The following WNK2 variants were observed in gnomAD, a reference collection of about 807,000 sequenced individuals.
WNK2 encodes WNK lysine deficient protein kinase 2.
In WNK2, 67 loss-of-function variants were observed where a neutral mutation model predicts 192.1. The observed-to-expected ratio is 0.35, with a 90% CI of 0.29 to 0.43. The LOEUF (loss-of-function observed/expected upper bound fraction) is 0.43. Among genes scored for constraint, WNK2 ranks in the 20% least tolerant of loss-of-function variants. The probability of loss-of-function intolerance (pLI) is 1.00; values close to 1 mark genes in which losing one functional copy is unlikely to be tolerated. For missense variants in WNK2, 2,698 were observed against 3,089.7 expected, an observed-to-expected ratio of 0.87 and a Z score of 3.01; for synonymous variants, 1,439 against 1,393.9, an observed-to-expected ratio of 1.03 and a Z score of -0.72.
In WNK2 at chr9:93,249,907, A is replaced by ATTTTTTTTTTT. The variant is rs58293954; in HGVS notation, c.1834+2089_1834+2099dup. ...TCCCTAGAGGCAACAGATGCTACCA[A>ATTTTTTTTTTT]TTTTTTTTTTTTTTTTTTTTTTTTT... On this transcript the variant is annotated intron_variant, in intron 8 of 29. Coordinates refer to ENST00000427277, the MANE Select transcript of WNK2 (RefSeq NM_006648.4). 4.7e-5 allele frequency among the ~76,000 whole-genome samples: 4 copies of ATTTTTTTTTTT among 85,444 alleles called. 1 individual carries two copies. The highest frequency in any genetic ancestry group is 3.7e-4 in the East Asian group (1 of 2,668). 56.1% of individuals were successfully genotyped at this position (85,444 alleles called of 152,430 possible).
At chr9:93,214,003 C>T (rs1182822330) in intron 2 of WNK2, among the ~76,000 whole-genome samples, 3 of 152,176 alleles carry the variant, frequency 2.0e-5, no homozygotes, top group Non-Finnish European at 4.4e-5. Flanking sequence ...TTTTATATCC[C>T]ATATGACATT....
intron 2 of WNK2, among the ~76,000 whole-genome samples, chr9:93,207,467 C>T (rs188743761): frequency 3.9e-4 from 60 of 152,326 alleles, no homozygotes; most frequent in Non-Finnish European, 5.9e-5. Flanking sequence ...GTGTCCAGTG[C>T]ACGCCCAGGG....
chr9:93,294,847 G>A (rs982212624), intron 23 of WNK2, among the ~76,000 whole-genome samples: 21 of 152,220 alleles, frequency 1.4e-4, no homozygotes, highest in Non-Finnish European at 2.9e-4. Flanking sequence ...AACAGGAAGT[G>A]GATGCTGGGA....
At chr9:93,199,296 TC>T (rs1478710309) in intron 2 of WNK2, among the ~76,000 whole-genome samples, 10 of 152,138 alleles carry the variant, frequency 6.6e-5, no homozygotes, top group Admixed American at 1.3e-4. Context: ...TTTTCAGGCT[TC>T]CCCCAATGTC....
intron 2 of WNK2, among the ~76,000 whole-genome samples, chr9:93,187,207 A>C (rs1407996392): frequency 6.6e-6 from 1 of 152,220 alleles, no homozygotes; most frequent in East Asian, 1.9e-4. Context: ...TCGCAGGCGC[A>C]TGTGACTCTT....
In WNK2 at chr9:93,261,494, G is replaced by C. The variant is rs114945196; in HGVS notation, c.3067-320G>C. 3.3e-3 allele frequency among the ~76,000 whole-genome samples: 499 copies of C among 152,316 alleles called. 5 individuals are homozygous for C. Among genetic ancestry groups the C allele is most frequent in the African/African-American group, 0.011 (477 of 41,566 alleles). ...TGCCGCAGGCCCCAGTGGGTGGTGG[G>C]GGCCTGGCTTTGATGCTGTGTGTCC... On this transcript the variant is annotated intron_variant, in intron 12 of 29. Transcript: ENST00000427277.
At chr9:93,244,675 C>T (rs1045787225) in intron 7 of WNK2, among the ~76,000 whole-genome samples, 5 of 152,166 alleles carry the variant, frequency 3.3e-5, no homozygotes, top group Non-Finnish European at 7.4e-5. Flanking sequence ...CCACGTGGAG[C>T]CTTAGGAATG....
chr9:93,267,730 G>A lies in WNK2; in HGVS notation c.3697-16G>A. 1 of 1,564,320 alleles carries A rather than the reference G, an allele frequency of 6.4e-7. No homozygotes were observed. The highest frequency in any genetic ancestry group is 1.3e-5 in the African/African-American group (1 of 74,094). On this transcript the variant is annotated splice_polypyrimidine_tract_variant and intron_variant, in intron 16 of 29. Transcript: ENST00000427277. ...GCCTTGCAGCTGGTCCTCACTGGCA[G>A]TATGTCCCTTTGCAGGTGGAGCATG...
intron 19 of WNK2, among the ~76,000 whole-genome samples, chr9:93,269,733 A>C (rs1043239048): frequency 6.6e-6 from 1 of 152,246 alleles, no homozygotes; most frequent in African/African-American, 2.4e-5. Context: ...ACTGTGGTGT[A>C]AGTTTAGGGG....
intron 19 of WNK2, among the ~76,000 whole-genome samples, chr9:93,270,173 C>T (rs1415848641): frequency 2.0e-5 from 3 of 152,138 alleles, no homozygotes; most frequent in Non-Finnish European, 4.4e-5. Flanking sequence ...GAAGGACTAG[C>T]TGGAAGGAGA....
intron 28 of WNK2, among the ~76,000 whole-genome samples, chr9:93,311,702 T>C (rs1853688891): frequency 6.6e-6 from 1 of 151,858 alleles, no homozygotes; most frequent in South Asian, 2.1e-4. Flanking sequence ...CTTGGCTCAC[T>C]GTAACCTCTA....
At chr9:93,317,096 T>C in intron 28 of WNK2, 1 of 250,868 alleles carries the variant, frequency 4.0e-6, no homozygotes, top group Non-Finnish European at 7.8e-6. Context: ...GCACACTTGC[T>C]TTGCCCAGGT....
intron 22 of WNK2, 39 bp from the exon 23 acceptor site, chr9:93,292,452 G>A (rs1360569007): frequency 6.2e-7 from 1 of 1,613,378 alleles, no homozygotes; most frequent in Admixed American, 1.7e-5. Context: ...CTGTGCTGAT[G>A]TTCACATGAA....
intron 19 of WNK2, among the ~76,000 whole-genome samples, chr9:93,288,333 C>G (rs4744215): frequency 0.4 from 60,687 of 152,094 alleles, 12,738 homozygotes; most frequent in South Asian, 0.61. Context: ...GAAGTGTGTA[C>G]AGCTCACTAC....
In WNK2 at chr9:93,293,024, G is replaced by A; in HGVS notation, c.5559G>A (p.Leu1853=). The stretch of plus-strand genomic sequence containing the variant: ...AGAGGCCTTCTCGGGCCGGCTCGCT[G>A]GGCCCCGAGACACCCAGCAGGGTGG... ...FLQRPSRAGS[L]GPETPSRVGM... The change falls in exon 23 of 30, where the codon CTG becomes CTA. Residue 1853 remains leucine, a synonymous_variant. Coordinates refer to ENST00000427277, the MANE Select transcript of WNK2 (RefSeq NM_006648.4). 6.2e-7 allele frequency: 1 copy of A among 1,602,066 alleles called. No homozygotes were observed. Among genetic ancestry groups the A allele is most frequent in the Non-Finnish European group, 8.5e-7 (1 of 1,174,870 alleles).
chr9:93,231,290 T>G (rs1838756605), intron 4 of WNK2, among the ~76,000 whole-genome samples, 182 bp downstream of exon 4: 1 of 152,224 alleles, frequency 6.6e-6, no homozygotes, highest in Non-Finnish European at 1.5e-5. Flanking sequence ...GTAGCTCAGC[T>G]GGAGGGCCTG....
chr9:93,318,809 G>T, intron 29 of WNK2: 1 of 1,410,692 alleles, frequency 7.1e-7, no homozygotes, highest in Non-Finnish European at 9.2e-7. Flanking sequence ...CGTCCCCAGT[G>T]GGCACAACAC....
intron 29 of WNK2, chr9:93,319,281 C>G: frequency 6.7e-7 from 1 of 1,492,236 alleles, no homozygotes; most frequent in Non-Finnish European, 9.0e-7. Flanking sequence ...CTAGGGAGCA[C>G]AGGAGTTGGG....
At chr9:93,299,370 G>A in intron 25 of WNK2, 109 bp downstream of exon 25, 1 of 1,205,924 alleles carries the variant, frequency 8.3e-7, no homozygotes, top group Non-Finnish European at 1.1e-6. Flanking sequence ...CTGTGGCAAA[G>A]GCTGTTGAGA....
Sources: allele counts gnomAD v4.1 joint callset (sites outside exome capture counted in the v4.1 genomes callset), GRCh38; gene constraint gnomAD v4.1.1; transcripts MANE v1.5; gene names NCBI Gene and HGNC (gene_info 2026-07-23, HGNC 2026-07-21).